The following RUVBL1 variants were observed in gnomAD, a reference collection of about 807,000 sequenced individuals.
RUVBL1 encodes RuvB like AAA ATPase 1, also known as ruvB-like 1.
Under a neutral mutation model 52.4 loss-of-function variants are expected in RUVBL1, and 4 were observed. That is an observed-to-expected ratio of 0.08 (90% CI 0.04 to 0.17). The LOEUF is 0.17. Ranked by LOEUF, RUVBL1 falls within the 10% of genes least tolerant of loss-of-function variation. The pLI is 1.00. For missense variants in RUVBL1, 298 were observed against 572.8 expected (o/e 0.52, Z 4.90); for synonymous variants, 217 against 214.4 (o/e 1.01, Z -0.10).
chr3:128,153,749 C>G, exon 1 of RUVBL1: 2 of 1,538,664 alleles, frequency 1.3e-6, no homozygotes, highest in Non-Finnish European at 1.7e-6. Flanking sequence ...GAGCCCGAGC[C>G]CGGCGAGCCA....
Position 128,097,318 on chromosome 3 carries a change from C to T in RUVBL1, c.998G>A (p.Arg333Gln). The change falls in exon 8 of 11, where the codon CGA becomes CAA. Residue 333 changes from arginine (R) to glutamine (Q), a missense_variant. This residue lies in a region of RUVBL1 where 161 missense variants were observed against 298.3 expected (regional missense o/e 0.54). Transcript: ENST00000322623. ...IAPIVIFASN[R>Q]GNCVIRGTED... ...ATCCTACCTGATGACACAGTTGCCT[C>T]GGTTGGATGCAAAGATGACGATGGG... 6.2e-7 allele frequency: 1 copy of T among 1,614,094 alleles called. No homozygotes were observed. Among genetic ancestry groups the T allele is most frequent in the Non-Finnish European group, 8.5e-7 (1 of 1,179,996 alleles).
chr3:128,095,233 C>A (rs764552922), intron 8 of RUVBL1, among the ~76,000 whole-genome samples: 1 of 152,224 alleles, frequency 6.6e-6, no homozygotes, highest in African/African-American at 2.4e-5. Flanking sequence ...ACTTCTGAGA[C>A]GAGAGATGCC....
intron 2 of RUVBL1, among the ~76,000 whole-genome samples, chr3:128,116,962 G>A (rs1043920780): frequency 2.6e-5 from 4 of 152,182 alleles, no homozygotes; most frequent in South Asian, 2.1e-4. Flanking sequence ...TGATGGCACC[G>A]TGGTCATGTA....
At chr3:128,115,045 T>C (rs1007577247) in intron 2 of RUVBL1, among the ~76,000 whole-genome samples, 1 of 152,174 alleles carries the variant, frequency 6.6e-6, no homozygotes, top group African/African-American at 2.4e-5. Context: ...GTTTCCTCCA[T>C]TTAAAGACTT....
chr3:128,136,650 A>T (rs1943952994), intron 1 of RUVBL1, among the ~76,000 whole-genome samples: 1 of 149,762 alleles, frequency 6.7e-6, no homozygotes, highest in African/African-American at 2.5e-5. Context: ...ACAATGATCT[A>T]TTGCCTATAA....
intron 1 of RUVBL1, among the ~76,000 whole-genome samples, chr3:128,130,620 TTTATTTATGTA>T (rs1559833175): frequency 1.1e-3 from 67 of 61,526 alleles, no homozygotes; most frequent in South Asian, 7.8e-3. Flanking sequence ...AAAAATTTTA[TTTATTTATGTA>T]TTTATTTATT....
At chr3:128,115,778 G>A (rs1303700120) in intron 2 of RUVBL1, among the ~76,000 whole-genome samples, 3 of 152,162 alleles carry the variant, frequency 2.0e-5, no homozygotes, top group Admixed American at 1.3e-4. Context: ...AAAGTTCAGA[G>A]ACTGTAGATA....
intron 1 of RUVBL1, among the ~76,000 whole-genome samples, chr3:128,143,040 C>A (rs982497814): frequency 2.6e-5 from 4 of 152,166 alleles, no homozygotes; most frequent in Admixed American, 2.0e-4. Context: ...CTCAGCCTCC[C>A]AAAGTTCTGG....
At chr3:128,074,641 A>C (rs992745967) in intron 9 of RUVBL1, among the ~76,000 whole-genome samples, 2 of 152,092 alleles carry the variant, frequency 1.3e-5, no homozygotes, top group African/African-American at 2.4e-5. Flanking sequence ...TCAGGAGTTC[A>C]AGACCAGCCT....
chr3:128,121,026 T>A (rs560492527), intron 1 of RUVBL1, among the ~76,000 whole-genome samples: 1 of 152,078 alleles, frequency 6.6e-6, no homozygotes, highest in South Asian at 2.1e-4. Context: ...GTATGCTATA[T>A]CCATCCCATT....
downstream of RUVBL1, among the ~76,000 whole-genome samples, chr3:128,078,221 C>T (rs1166349877): frequency 5.3e-5 from 8 of 152,216 alleles, no homozygotes; most frequent in Admixed American, 4.6e-4. Context: ...CATTTTATTA[C>T]ACAAATGGCT....
At chr3:128,146,344 GTC>G (rs1416420041) in intron 1 of RUVBL1, among the ~76,000 whole-genome samples, 2 of 151,992 alleles carry the variant, frequency 1.3e-5, no homozygotes, top group East Asian at 3.9e-4. Context: ...GTGTGCGTGT[GTC>G]TCTGTGCTTA....
intron 1 of RUVBL1, among the ~76,000 whole-genome samples, chr3:128,149,046 A>C (rs929289216): frequency 2.0e-5 from 3 of 150,938 alleles, no homozygotes; most frequent in Non-Finnish European, 4.4e-5. Flanking sequence ...ACTGCCACAC[A>C]CTCTTCTTTT....
downstream of RUVBL1, among the ~76,000 whole-genome samples, chr3:128,078,414 G>A (rs1246847584): frequency 1.3e-5 from 2 of 152,188 alleles, no homozygotes; most frequent in Non-Finnish European, 2.9e-5. Flanking sequence ...GGCCAGGGAC[G>A]CGTCTTTCAA....
chr3:128,070,214 G>A (rs950961806), intron 9 of RUVBL1: 2 of 152,374 alleles, frequency 1.3e-5, no homozygotes, highest in Non-Finnish European at 2.9e-5. Context: ...TTTTAAAAGT[G>A]ATTTTTTTAA....
Position 128,087,791 on chromosome 3 carries a change from G to T in RUVBL1, c.1034C>A (p.Thr345Lys), listed in dbSNP as rs1466613581. The change falls in exon 9 of 11, where the codon ACA becomes AAA. Residue 345 changes from threonine (T) to lysine (K), a missense_variant. Physicochemically the swap from Thr to Lys is moderately conservative, Grantham distance 78. Around this residue, in one of 5 missense-constraint regions of RUVBL1, gnomAD observed 161 missense variants for 298.3 expected, o/e 0.54. Transcript: ENST00000322623. ...GTCAAGAGGGATGCCGTGAGGGGATGTGATGTCCTCAGTGCCTCTGTAAGG... is the reference window on the plus strand; with the variant it reads ...GTCAAGAGGGATGCCGTGAGGGGATTTGATGTCCTCAGTGCCTCTGTAAGG... ...NCVIRGTEDITSPHGIPLDLL... is the reference protein window; with the variant it reads ...NCVIRGTEDIKSPHGIPLDLL... The T allele has an allele frequency of 6.2e-7, 1 of 1,613,404 alleles. No homozygotes were observed. Among genetic ancestry groups the T allele is most frequent in the East Asian group, 2.2e-5 (1 of 44,866 alleles).
Position 128,080,856 on chromosome 3 carries a change from T to A in RUVBL1, c.*394A>T. 1 of 177,956 alleles carries A rather than the reference T, an allele frequency of 5.6e-6. No homozygotes were observed. The highest frequency in any genetic ancestry group is 1.2e-5 in the Non-Finnish European group (1 of 83,074). 11.0% of individuals were successfully genotyped at this position (177,956 alleles called of 1,614,324 possible). A position where few individuals can be genotyped will look rare whatever the true frequency, so the allele number is the denominator to read the frequency against. On this transcript the variant is annotated 3_prime_UTR_variant, in exon 11 of 11. Transcript: ENST00000322623. ...ATGCATCAGTATTGGTCATTCACGG[T>A]GACAAATGTGCTATCTGATGTAACA... is the stretch of plus-strand genomic sequence containing the variant.
intron 2 of RUVBL1, among the ~76,000 whole-genome samples, chr3:128,118,632 C>G (rs1379144525): frequency 6.6e-6 from 1 of 152,178 alleles, no homozygotes; most frequent in African/African-American, 2.4e-5. Flanking sequence ...TCCCAAGAAG[C>G]CACACGGTGT....
At chr3:128,114,462 C>T (rs1046381059) in intron 2 of RUVBL1, among the ~76,000 whole-genome samples, 3 of 152,280 alleles carry the variant, frequency 2.0e-5, no homozygotes, top group East Asian at 3.9e-4. Flanking sequence ...TGACCTTGGG[C>T]ACTCAGCAAA....
Sources: allele counts gnomAD v4.1 joint callset (sites outside exome capture counted in the v4.1 genomes callset), GRCh38; gene constraint gnomAD v4.1.1; regional missense constraint gnomAD v4.1.1; transcripts MANE v1.5; gene names NCBI Gene and HGNC (gene_info 2026-07-23, HGNC 2026-07-21).